Variants in MCF2L observed in about 807,000 individuals in gnomAD.
MCF2L encodes guanine nucleotide exchange factor DBS.
A neutral mutation model predicts 153.4 loss-of-function variants in MCF2L; 97 were observed. That is an observed-to-expected ratio of 0.63 (90% confidence interval 0.54 to 0.75). The LOEUF (loss-of-function observed/expected upper bound fraction) is 0.75. MCF2L is among the 30% of genes least tolerant of loss of function. MCF2L has a pLI of 0.00. For missense variants in MCF2L, 1,347 were observed against 1,495.2 expected (o/e 0.90, Z 1.64); for synonymous variants, 659 against 632.2 (o/e 1.04, Z -0.64).
chr13:113,017,813 C>A (rs1303348639), intron 2 of MCF2L, among the ~76,000 whole-genome samples: 2 of 152,228 alleles, frequency 1.3e-5, no homozygotes, highest in Non-Finnish European at 2.9e-5. Flanking sequence ...GACACCCCAG[C>A]CTGTTCCGTG....
At chr13:112,972,549 T>A (rs901985787) in intron 1 of MCF2L, among the ~76,000 whole-genome samples, 3 of 138,356 alleles carry the variant, frequency 2.2e-5, no homozygotes, top group East Asian at 2.4e-4. Flanking sequence ...GATGGATGGA[T>A]AAATAGATAA....
At chr13:113,058,621 T>C (rs2030734605) in intron 4 of MCF2L, among the ~76,000 whole-genome samples, 1 of 151,208 alleles carries the variant, frequency 6.6e-6, no homozygotes, top group Non-Finnish European at 1.5e-5. Context: ...AGTTGCTGTG[T>C]GTTTGCTGTG....
At chr13:112,964,698 T>C (rs569106144), upstream of MCF2L, 4 of 152,350 alleles carry the variant, frequency 2.6e-5, no homozygotes, top group African/African-American at 9.6e-5. Context: ...CAGGAAATAT[T>C]CACTCAGCTA....
Position 112,905,704 on chromosome 13 carries a change from G to A in MCF2L, c.169+3333G>A, listed in dbSNP as rs528851813. On this transcript the variant is annotated intron_variant, in intron 2 of 29. Coordinates refer to the MCF2L transcript ENST00000375608. The stretch of plus-strand genomic sequence containing the variant: ...TTCTGAGGTTCATCTGTGTTGTACC[G>A]TGTGACACAATTTCCTTCCTTTTTA... Among the ~76,000 whole-genome samples, 125 of 152,250 alleles carry A rather than the reference G, an allele frequency of 8.2e-4. No individual in the cohort carries two copies. In the Middle Eastern group the frequency reaches 0.02, roughly 25 times the overall value.
intron 1 of MCF2L, among the ~76,000 whole-genome samples, chr13:112,974,147 CCTT>C (rs2082141014): frequency 6.6e-6 from 1 of 152,182 alleles, no homozygotes; most frequent in Non-Finnish European, 1.5e-5. Flanking sequence ...GCTTCCTCCT[CCTT>C]TAGTCTTACG....
chr13:112,913,540 T>A (rs1439053489), intron 2 of MCF2L, among the ~76,000 whole-genome samples: 2 of 152,220 alleles, frequency 1.3e-5, no homozygotes, highest in African/African-American at 4.8e-5. Context: ...TCAATAATTT[T>A]AAAATGCCTC....
chr13:113,091,389 C>G (rs1291264573), intron 26 of MCF2L, among the ~76,000 whole-genome samples: 1 of 152,242 alleles, frequency 6.6e-6, no homozygotes, highest in Non-Finnish European at 1.5e-5. Context: ...CGCCTCTCAG[C>G]CAACTCCTCA....
At chr13:112,976,895 G>A (rs745724569) in intron 1 of MCF2L, among the ~76,000 whole-genome samples, 1 of 152,148 alleles carries the variant, frequency 6.6e-6, no homozygotes, top group East Asian at 1.9e-4. Context: ...CGGACAGTGC[G>A]GGGCTTCCCA....
intron 2 of MCF2L, among the ~76,000 whole-genome samples, chr13:112,944,830 C>CA (rs1320573918): frequency 6.6e-6 from 1 of 152,158 alleles, no homozygotes; most frequent in Non-Finnish European, 1.5e-5. Context: ...GAAGGCCCTC[C>CA]ACCCTACTTG....
At chr13:113,063,720 A>G (rs921897003) in intron 5 of MCF2L, among the ~76,000 whole-genome samples, 8 of 152,232 alleles carry the variant, frequency 5.3e-5, no homozygotes, top group Non-Finnish European at 7.3e-5. Flanking sequence ...TAGTCACGGC[A>G]GCAGAGGTGC....
At position 113,012,260 on chromosome 13, in the gene MCF2L, G is replaced by A. The variant is rs143212104; in HGVS notation, c.80-2503G>A. On this transcript the variant is annotated intron_variant, in intron 1 of 29. Coordinates refer to ENST00000535094, the MANE Select transcript of MCF2L (RefSeq NM_001112732.3). ...CTGCGATGAGGACGGTGGACACTGC[G>A]ATGAGGACAGTGGACAGGTGGTGTA... Among the ~76,000 whole-genome samples the A allele has an allele frequency of 3.5e-3, 381 of 107,634 alleles. 61 individuals carry two copies. Among genetic ancestry groups the A allele is most frequent in the South Asian group, 0.027 (58 of 2,136 alleles). The allele number at this position is 107,634 out of a possible 152,430, so 70.6% of individuals were successfully genotyped here. A position where few individuals can be genotyped will look rare whatever the true frequency, so the allele number is the denominator to read the frequency against.
chr13:112,911,601 C>G (rs2081233740), intron 2 of MCF2L, among the ~76,000 whole-genome samples: 1 of 152,230 alleles, frequency 6.6e-6, no homozygotes, highest in Non-Finnish European at 1.5e-5. Context: ...CTGCTGTGGT[C>G]ACCCGGGCTG....
intron 2 of MCF2L, among the ~76,000 whole-genome samples, chr13:112,920,818 T>C (rs1439731704): frequency 1.3e-5 from 2 of 151,966 alleles, no homozygotes; most frequent in Admixed American, 6.6e-5. Flanking sequence ...AGGGCACAGA[T>C]TGGCTCACAA....
intron 2 of MCF2L, among the ~76,000 whole-genome samples, chr13:112,946,511 G>A (rs2140691156): frequency 6.6e-6 from 1 of 152,326 alleles, no homozygotes; most frequent in East Asian, 1.9e-4. Context: ...ATTCCAGAGG[G>A]CTCAGAGGGA....
In MCF2L at chr13:113,065,088, A is replaced by G; in HGVS notation, c.756+3A>G. The G allele has an allele frequency of 7.0e-7, 1 of 1,436,252 alleles. No individual in the cohort carries two copies. The highest frequency in any genetic ancestry group is 9.3e-7 in the Non-Finnish European group (1 of 1,073,294). 89.0% of individuals were successfully genotyped at this position (1,436,252 alleles called of 1,614,324 possible). The stretch of plus-strand genomic sequence containing the variant: ...CAGAGAAGAAGGACAAGGCGAAGGT[A>G]CATGGGGGGTGCTCCGGCTGGAAGC... On this transcript the variant is annotated splice_donor_region_variant and intron_variant, in intron 7 of 29. Coordinates refer to ENST00000535094, the MANE Select transcript of MCF2L (RefSeq NM_001112732.3).
intron 4 of MCF2L, among the ~76,000 whole-genome samples, chr13:113,055,257 A>AG (rs2087653072): frequency 6.6e-6 from 1 of 152,072 alleles, no homozygotes; most frequent in Admixed American, 6.6e-5. Flanking sequence ...GAGCCAAGGA[A>AG]GAGGGGGTCA....
chr13:113,082,541 A>T lies in MCF2L; in HGVS notation c.1990A>T (p.Arg664Trp), dbSNP rs746219258. 1.2e-6 allele frequency: 2 copies of T among 1,602,460 alleles called. No homozygotes were observed. Among genetic ancestry groups the T allele is most frequent in the Non-Finnish European group, 1.7e-6 (2 of 1,169,564 alleles). The change falls in exon 17 of 30, where the codon AGG (arginine) becomes TGG (tryptophan). Residue 664 changes from arginine to tryptophan, a missense_variant and splice_region_variant. By Grantham distance (101) the Arg-to-Trp change is moderately radical (BLOSUM62 -3). Coordinates refer to ENST00000535094, the MANE Select transcript of MCF2L (RefSeq NM_001112732.3). ...NMEEIYHFHN[R>W]IFLRELENYT... ...GGAGGAAATCTATCACTTCCACAAC[A>T]GGTGGGCCCTTCCCCCCGACACAGG...
chr13:113,000,913 G>T (rs569437259), intron 1 of MCF2L, among the ~76,000 whole-genome samples: 8 of 152,128 alleles, frequency 5.3e-5, no homozygotes, highest in Admixed American at 3.3e-4. Context: ...TCCAGCAGTG[G>T]GTGTGATATT....
Position 113,074,685 on chromosome 13 carries a change from T to C in MCF2L, c.1116+122T>C. 7.1e-7 allele frequency: 1 copy of C among 1,408,826 alleles called. No individual in the cohort carries two copies. Among genetic ancestry groups the C allele is most frequent in the Non-Finnish European group, 9.6e-7 (1 of 1,036,660 alleles). The allele number at this position is 1,408,826 out of a possible 1,614,324, so 87.3% of individuals were successfully genotyped here. ...AACGGACCCCACAGCCCCCCGGGGA[T>C]GTCCATGGGGTGGGGGGTGCTGCTG... On this transcript the variant is annotated intron_variant, in intron 10 of 29. Transcript: ENST00000535094. This position sits in a 1 kb window ranked among gnomAD's most constrained non-coding sequence, Gnocchi z 4.2.
Sources: gnomAD v4.1 joint callset for allele counts (sites outside exome capture counted in the v4.1 genomes callset) on GRCh38, gnomAD v4.1.1 for gene constraint, Gnocchi (gnomAD v3.1) non-coding constraint, MANE v1.5 for transcripts, NCBI Gene and HGNC (gene_info 2026-07-23, HGNC 2026-07-21) for gene names.